ZSWIM6: variants seen among roughly 807,000 people sequenced by gnomAD.
ZSWIM6 encodes the protein zinc finger SWIM domain-containing protein 6.
In ZSWIM6, 9 loss-of-function variants were observed where a neutral mutation model predicts 113.2. That is an observed-to-expected ratio of 0.08 (90% CI 0.05 to 0.14). ZSWIM6 has a LOEUF of 0.14. ZSWIM6 is among the 10% of genes least tolerant of loss of function. The probability of loss-of-function intolerance (pLI) is 1.00; values close to 1 mark genes in which losing one functional copy is unlikely to be tolerated. For synonymous variants in ZSWIM6, 611 were observed against 606.5 expected, an observed-to-expected ratio of 1.01 and a Z score of -0.11; for missense variants, 1,162 against 1,552.2, an observed-to-expected ratio of 0.75 and a Z score of 4.22.
intron 2 of ZSWIM6, among the ~76,000 whole-genome samples, chr5:61,485,514 C>G (rs1252826627): frequency 2.0e-5 from 3 of 152,198 alleles, no homozygotes; most frequent in African/African-American, 7.2e-5. Context: ...TTGTCCTTCT[C>G]TGGTGGTCTG....
chr5:61,382,749 G>T (rs1745510871), intron 1 of ZSWIM6, among the ~76,000 whole-genome samples: 1 of 152,120 alleles, frequency 6.6e-6, no homozygotes, highest in South Asian at 2.1e-4. Flanking sequence ...AGGTTACAGT[G>T]AGCTGAGATC....
chr5:61,436,815 T>G (rs1746717782), intron 1 of ZSWIM6, among the ~76,000 whole-genome samples: 1 of 152,184 alleles, frequency 6.6e-6, no homozygotes, highest in South Asian at 2.1e-4. Context: ...GTTCTGTTCA[T>G]CAATATGAAA....
chr5:61,531,471 T>C lies in ZSWIM6; in HGVS notation c.1991T>C (p.Met664Thr), dbSNP rs371478900. 1.1e-5 allele frequency: 17 copies of C among 1,549,770 alleles called. No individual in the cohort carries two copies. In the African/African-American group the frequency reaches 2.1e-4, roughly 19 times the overall value. The change falls in exon 9 of 14, where the codon ATG becomes ACG. Residue 664 changes from methionine (M) to threonine (T), a missense_variant. Physicochemically the swap from Met to Thr is moderately conservative, Grantham distance 81 (BLOSUM62 -1). Around this residue, in one of 4 missense-constraint regions of ZSWIM6, gnomAD observed 620 missense variants for 804.6 expected, o/e 0.77. Transcript: ENST00000252744. Reference sequence around the variant, plus strand: ...CTTTTGTGGCATTTTGCAGAGAATATGGGACAGTGCAAGTCTCTGGAATAC... The same window carrying C: ...CTTTTGTGGCATTTTGCAGAGAATACGGGACAGTGCAAGTCTCTGGAATAC... ...LSGFSDFTENMGQCKSLEYQH... is the reference protein window; with the variant it reads ...LSGFSDFTENTGQCKSLEYQH...
chr5:61,386,131 C>A (rs1000492946), intron 1 of ZSWIM6, among the ~76,000 whole-genome samples: 1 of 152,234 alleles, frequency 6.6e-6, no homozygotes, highest in African/African-American at 2.4e-5. Context: ...GTAAAAAGCT[C>A]TCCTGCATAC....
At chr5:61,526,498 G>C in intron 7 of ZSWIM6, 102 bp downstream of exon 7, 4 of 1,300,974 alleles carry the variant, frequency 3.1e-6, no homozygotes, top group Non-Finnish European at 4.2e-6. Flanking sequence ...TAAAACCATA[G>C]ATGATGGCTT....
intron 9 of ZSWIM6, among the ~76,000 whole-genome samples, chr5:61,533,797 C>A (rs372385360): frequency 6.6e-6 from 1 of 152,158 alleles, no homozygotes; most frequent in East Asian, 1.9e-4. Flanking sequence ...TAACAAAATA[C>A]CACAGATTGT....
chr5:61,442,973 T>A (rs1746871694), intron 1 of ZSWIM6, among the ~76,000 whole-genome samples: 1 of 152,200 alleles, frequency 6.6e-6, no homozygotes, highest in African/African-American at 2.4e-5. Context: ...AGTCTTCCAT[T>A]AGTTCAGTGC....
intron 1 of ZSWIM6, among the ~76,000 whole-genome samples, chr5:61,434,809 A>C (rs1041308275): frequency 1.3e-5 from 2 of 152,184 alleles, no homozygotes; most frequent in East Asian, 3.9e-4. Flanking sequence ...GAGGATGTGA[A>C]AAAAAGAAAA....
At chr5:61,354,198 A>G (rs1744850429) in intron 1 of ZSWIM6, among the ~76,000 whole-genome samples, 2 of 152,198 alleles carry the variant, frequency 1.3e-5, no homozygotes, top group Non-Finnish European at 2.9e-5. Flanking sequence ...TGCGTGTTCA[A>G]CTTTATTCCA....
At chr5:61,529,276 T>TTA (rs1175100119) in intron 7 of ZSWIM6, among the ~76,000 whole-genome samples, 2 of 152,266 alleles carry the variant, frequency 1.3e-5, no homozygotes, top group Non-Finnish European at 2.9e-5. Context: ...AAATACTGCA[T>TTA]TATTTACAAC....
At chr5:61,464,325 T>C (rs562103383) in intron 1 of ZSWIM6, among the ~76,000 whole-genome samples, 13 of 152,002 alleles carry the variant, frequency 8.6e-5, no homozygotes, top group Admixed American at 2.0e-4. Context: ...CTTGCCTCCC[T>C]CATCTTTTAA....
chr5:61,500,207 ATC>A (rs1748429559), intron 4 of ZSWIM6, among the ~76,000 whole-genome samples: 2 of 151,494 alleles, frequency 1.3e-5, no homozygotes, highest in Admixed American at 1.3e-4. Context: ...GCTCACCACA[ATC>A]TCTGCCTCCC....
intron 1 of ZSWIM6, among the ~76,000 whole-genome samples, chr5:61,354,701 G>A (rs1279432136): frequency 6.6e-6 from 1 of 151,546 alleles, no homozygotes; most frequent in Non-Finnish European, 1.5e-5. Flanking sequence ...ATTTCTTTAG[G>A]GTCTAATTTA....
intron 1 of ZSWIM6, among the ~76,000 whole-genome samples, chr5:61,379,051 C>T (rs1345113579): frequency 1.3e-5 from 2 of 151,518 alleles, no homozygotes; most frequent in Non-Finnish European, 2.9e-5. Context: ...TGTCGTGGTG[C>T]GTGCCTATAA....
intron 1 of ZSWIM6, among the ~76,000 whole-genome samples, chr5:61,371,840 C>T (rs1307883042): frequency 6.6e-6 from 1 of 151,974 alleles, no homozygotes; most frequent in Non-Finnish European, 1.5e-5. Context: ...GAAAGTTGAC[C>T]TATTGTATTA....
In ZSWIM6 at chr5:61,454,508, C is replaced by T. The variant is rs116687684; in HGVS notation, c.677-18173C>T. Among the ~76,000 whole-genome samples, 611 of 151,266 alleles carry T rather than the reference C, an allele frequency of 4.0e-3. 2 individuals carry two copies. Among genetic ancestry groups the T allele is most frequent in the African/African-American group, 0.014 (581 of 41,246 alleles). On this transcript the variant is annotated intron_variant, in intron 1 of 13. Transcript: ENST00000252744. Reference sequence around the variant, plus strand: ...TGGGCTCAGGGCTCACGTGATCTTCCTGCCTTGTCCTCCCAAATTGCTCGG... The same window carrying T: ...TGGGCTCAGGGCTCACGTGATCTTCTTGCCTTGTCCTCCCAAATTGCTCGG...
chr5:61,373,439 G>C (rs1002726664), intron 1 of ZSWIM6, among the ~76,000 whole-genome samples: 1 of 147,334 alleles, frequency 6.8e-6, no homozygotes, highest in East Asian at 2.0e-4. Flanking sequence ...GTGCAGTGGC[G>C]CGATCTCGGC....
At chr5:61,357,056 A>G (rs1285119920) in intron 1 of ZSWIM6, among the ~76,000 whole-genome samples, 1 of 151,948 alleles carries the variant, frequency 6.6e-6, no homozygotes, top group East Asian at 1.9e-4. Flanking sequence ...TGTTAGAGAT[A>G]CACATTCTTG....
rs1294189871 is a variant in ZSWIM6, at chr5:61,332,746, CCCGGCCGCAACCTCGG to C, written c.476_491del (p.Pro159ArgfsTer56). The C allele has an allele frequency of 2.1e-6, 2 of 942,292 alleles. No individual in the cohort carries two copies. The highest frequency in any genetic ancestry group is 2.5e-6 in the Non-Finnish European group (2 of 800,516). The allele number at this position is 942,292 out of a possible 1,614,324, so 58.4% of individuals were successfully genotyped here. On this transcript the variant is annotated frameshift_variant, in exon 1 of 14. Coordinates refer to ENST00000252744, the MANE Select transcript of ZSWIM6 (RefSeq NM_020928.2). LOFTEE classifies it high-confidence loss of function. ...GCGGCGGCGGCGGCTCCTCGTCTTC[CCCGGCCGCAACCTCGG>C]CGGCCGCAACCTCGGCCGCCGCCGC...
Sources: gnomAD v4.1 joint callset for allele counts (sites outside exome capture counted in the v4.1 genomes callset) on GRCh38, gnomAD v4.1.1 for gene constraint, gnomAD v4.1.1 regional missense constraint, MANE v1.5 for transcripts, NCBI Gene and HGNC (gene_info 2026-07-23, HGNC 2026-07-21) for gene names.